Variants in ARL3 observed in about 807,000 individuals in gnomAD.
ARL3 encodes ADP-ribosylation factor-like protein 3.
Under a neutral mutation model 26.0 loss-of-function variants are expected in ARL3, and 9 were observed. The observed-to-expected ratio is 0.35, with a 90% confidence interval of 0.21 to 0.60. The LOEUF is 0.60. ARL3 is among the 20% of genes least tolerant of loss of function. ARL3 has a pLI of 0.78. For synonymous variants in ARL3, 71 were observed against 78.4 expected, an observed-to-expected ratio of 0.91 and a Z score of 0.50; for missense variants, 158 against 215.7, an observed-to-expected ratio of 0.73 and a Z score of 1.67.
chr10:102,697,240 C>T (rs565326450), intron 3 of ARL3, among the ~76,000 whole-genome samples: 34 of 150,432 alleles, frequency 2.3e-4, no homozygotes, highest in Admixed American at 4.6e-4. Context: ...AGTGCAGTGG[C>T]GCAATCTTGG....
rs2064117900 is a variant in ARL3, at chr10:102,673,996, C to G, written c.*2898G>C. The G allele has an allele frequency of 2.0e-5, 3 of 152,374 alleles. No homozygotes were observed. The South Asian group carries it at 6.2e-4, about 32-fold the overall frequency. 9.4% of individuals were successfully genotyped at this position (152,374 alleles called of 1,614,324 possible). A position where few individuals can be genotyped will look rare whatever the true frequency, so the allele number is the denominator to read the frequency against. On this transcript the variant is annotated 3_prime_UTR_variant, in exon 6 of 6. Coordinates refer to ENST00000260746, the MANE Select transcript of ARL3 (RefSeq NM_004311.4). ...CTCTGACGGGAATGGAGAGACGAGT[C>G]CTGGTGAGGGTGACATGGTGTCACC...
Position 102,674,402 on chromosome 10 carries a change from G to C in ARL3, c.*2492C>G, listed in dbSNP as rs1465871191. ...CAGCCAAAAGCAGCCACACGGGGTAGGTCGGGAGGAGGGGAGGACTCGAGT... is the reference window on the plus strand; with the variant it reads ...CAGCCAAAAGCAGCCACACGGGGTACGTCGGGAGGAGGGGAGGACTCGAGT... On this transcript the variant is annotated 3_prime_UTR_variant, in exon 6 of 6. Transcript: ENST00000260746. 6.6e-6 allele frequency: 1 copy of C among 152,358 alleles called. No homozygotes were observed. The highest frequency in any genetic ancestry group is 6.5e-5 in the Admixed American group (1 of 15,272). The allele number at this position is 152,358 out of a possible 1,614,324, so 9.4% of individuals were successfully genotyped here.
intron 3 of ARL3, among the ~76,000 whole-genome samples, chr10:102,699,114 C>T (rs1429441488): frequency 6.6e-6 from 1 of 152,198 alleles, no homozygotes; most frequent in Admixed American, 6.5e-5. Context: ...ATTCAAATCA[C>T]TATGGCAATT....
chr10:102,686,069 TAC>T, intron 4 of ARL3, 68 bp from the exon 5 acceptor site: 3 of 1,129,180 alleles, frequency 2.7e-6, no homozygotes, highest in Admixed American at 2.8e-5. Context: ...AACCATACAC[TAC>T]TTTTTTTTTT....
At position 102,684,453 on chromosome 10, in the gene ARL3, T is replaced by C. The variant is rs535044002; in HGVS notation, c.501+1363A>G. On this transcript the variant is annotated intron_variant, in intron 5 of 5. Coordinates refer to ENST00000260746, the MANE Select transcript of ARL3 (RefSeq NM_004311.4). ...TGTGAGCCACCACAGCCGGCTACTC[T>C]CAGCTTTCTAAATTTGTCATCTAAA... 1.1e-4 allele frequency among the ~76,000 whole-genome samples: 17 copies of C among 152,052 alleles called. No homozygotes were observed. In the East Asian group the frequency reaches 3.3e-3, roughly 29 times the overall value.
intron 3 of ARL3, among the ~76,000 whole-genome samples, chr10:102,695,391 T>C (rs577951248): frequency 6.6e-6 from 1 of 152,346 alleles, no homozygotes; most frequent in Non-Finnish European, 1.5e-5. Context: ...AATGGTATTT[T>C]GCTATTAATT....
Position 102,674,426 on chromosome 10 carries a change from G to A in ARL3, c.*2468C>T, listed in dbSNP as rs1255818502. 1 of 152,288 alleles carries A rather than the reference G, an allele frequency of 6.6e-6. No homozygotes were observed. The highest frequency in any genetic ancestry group is 2.4e-5 in the African/African-American group (1 of 41,434). 9.4% of individuals were successfully genotyped at this position (152,288 alleles called of 1,614,324 possible). A position where few individuals can be genotyped will look rare whatever the true frequency, so the allele number is the denominator to read the frequency against. On this transcript the variant is annotated 3_prime_UTR_variant, in exon 6 of 6. Coordinates refer to ENST00000260746, the MANE Select transcript of ARL3 (RefSeq NM_004311.4). ...AGGTCGGGAGGAGGGGAGGACTCGA[G>A]TTTTTCCCACAACTGGCTTGAGCAC...
chr10:102,703,118 C>CA (rs2064289094), intron 2 of ARL3, among the ~76,000 whole-genome samples: 1 of 101,164 alleles, frequency 9.9e-6, no homozygotes, highest in Non-Finnish European at 1.9e-5. Flanking sequence ...CAGGTCTTGT[C>CA]TTTTTTTTTT....
chr10:102,697,274 G>A (rs959656492), intron 3 of ARL3, among the ~76,000 whole-genome samples: 1 of 151,894 alleles, frequency 6.6e-6, no homozygotes, highest in African/African-American at 2.4e-5. Flanking sequence ...CCACCTCCTG[G>A]GTTCAAGCAA....
At chr10:102,707,655 C>A (rs1642454895) in intron 1 of ARL3, among the ~76,000 whole-genome samples, 1 of 152,224 alleles carries the variant, frequency 6.6e-6, no homozygotes, top group African/African-American at 2.4e-5. Flanking sequence ...CATCTTTGGA[C>A]AATCATACGC....
intron 3 of ARL3, among the ~76,000 whole-genome samples, chr10:102,696,400 G>A (rs1232352166): frequency 6.6e-6 from 1 of 151,730 alleles, no homozygotes; most frequent in Non-Finnish European, 1.5e-5. Context: ...AAATAGCTGG[G>A]ATTACAGGCG....
chr10:102,680,397 A>C (rs924989732), intron 5 of ARL3, among the ~76,000 whole-genome samples: 2 of 152,190 alleles, frequency 1.3e-5, no homozygotes, highest in Non-Finnish European at 2.9e-5. Context: ...TGAATTGATT[A>C]GCTTCAATTC....
chr10:102,674,053 C>T lies in ARL3; in HGVS notation c.*2841G>A, dbSNP rs571368819. ...GCCAGGCCGGATAAGGAGCGGCCAA[C>T]AGTGAGGGTGGGGCGCAGAGTGGCA... On this transcript the variant is annotated 3_prime_UTR_variant, in exon 6 of 6. Transcript: ENST00000260746. The T allele has an allele frequency of 6.6e-6, 1 of 152,514 alleles. No homozygotes were observed. The highest frequency in any genetic ancestry group is 1.5e-5 in the Non-Finnish European group (1 of 68,020). 9.4% of individuals were successfully genotyped at this position (152,514 alleles called of 1,614,324 possible). A position where few individuals can be genotyped will look rare whatever the true frequency, so the allele number is the denominator to read the frequency against.
At chr10:102,705,726 C>A (rs1328238890) in intron 1 of ARL3, among the ~76,000 whole-genome samples, 1 of 152,214 alleles carries the variant, frequency 6.6e-6, no homozygotes, top group Non-Finnish European at 1.5e-5. Context: ...TCCAATCAAT[C>A]TAGCTTAGCA....
At chr10:102,678,501 G>A (rs1275775676) in intron 5 of ARL3, among the ~76,000 whole-genome samples, 1 of 152,110 alleles carries the variant, frequency 6.6e-6, no homozygotes, top group East Asian at 1.9e-4. Context: ...TCTCGCCTGG[G>A]AAGCTGAATA....
intron 1 of ARL3, 113 bp downstream of exon 1, chr10:102,714,160 C>G: frequency 2.4e-6 from 3 of 1,228,166 alleles, no homozygotes; most frequent in Non-Finnish European, 3.2e-6. Context: ...AGATAGCAGG[C>G]TGAGCGACGT....
At chr10:102,708,654 C>T (rs780211424) in intron 1 of ARL3, among the ~76,000 whole-genome samples, 1 of 151,502 alleles carries the variant, frequency 6.6e-6, no homozygotes, top group Non-Finnish European at 1.5e-5. Flanking sequence ...GTCAGGAGTT[C>T]GAGACCAGCC....
Position 102,688,931 on chromosome 10 carries a change from C to T in ARL3, c.315+962G>A, listed in dbSNP as rs765072743. Among the ~76,000 whole-genome samples the T allele has an allele frequency of 6.3e-4, 96 of 152,254 alleles. 1 individual carries two copies. The highest frequency in any genetic ancestry group is 6.8e-3 in the Middle Eastern group (2 of 294). On this transcript the variant is annotated intron_variant, in intron 4 of 5. Coordinates refer to ENST00000260746, the MANE Select transcript of ARL3 (RefSeq NM_004311.4). ...TTCCTCTGGGTTCGTTTTCACATGG[C>T]CTGGGAAAAAACCTGAAGAGCCTTT...
At chr10:102,684,365 G>A (rs1268484171) in intron 5 of ARL3, among the ~76,000 whole-genome samples, 1 of 152,010 alleles carries the variant, frequency 6.6e-6, no homozygotes, top group Non-Finnish European at 1.5e-5. Context: ...TAGCCAGGAT[G>A]GTCTCGATCT....
Sources: gnomAD v4.1 joint callset for allele counts (sites outside exome capture counted in the v4.1 genomes callset) on GRCh38, gnomAD v4.1.1 for gene constraint, MANE v1.5 for transcripts, NCBI Gene and HGNC (gene_info 2026-07-23, HGNC 2026-07-21) for gene names.